Variants in ANKHD1 observed in about 807,000 individuals in gnomAD.
ANKHD1 encodes ankyrin repeat and KH domain-containing protein 1.
In ANKHD1, 31 loss-of-function variants were observed where a neutral mutation model predicts 230.5. The ratio of observed to expected loss-of-function variants is 0.13; its 90% CI spans 0.10 to 0.18. The LOEUF (loss-of-function observed/expected upper bound fraction) is 0.18. Ranked by LOEUF, ANKHD1 falls within the 10% of genes least tolerant of loss-of-function variation. ANKHD1 has a pLI of 1.00. For synonymous variants in ANKHD1, 1,074 were observed against 1,117.6 expected, an observed-to-expected ratio of 0.96 and a Z score of 0.78; for missense variants, 2,256 against 3,071.3, an observed-to-expected ratio of 0.73 and a Z score of 6.27.
In ANKHD1 at chr5:140,529,089, C is replaced by A. The variant is rs1291744263; in HGVS notation, c.6143C>A (p.Ala2048Glu). Residue 2048 changes from alanine (A) to glutamate (E), a missense_variant, in exon 29 of 34, where the codon GCA becomes GAA. This residue lies in a region of ANKHD1 where 778 missense variants were observed against 966.5 expected (regional missense o/e 0.80). Coordinates refer to ENST00000360839, the MANE Select transcript of ANKHD1 (RefSeq NM_017747.3). ...MANLCTPSST[A>E]NSCSSSASNT... ...AACCTATGTACCCCATCTTCAACTG[C>A]AAACAGTTGCAGTAGCTCTGCCAGC... The A allele has an allele frequency of 5.0e-6, 8 of 1,613,934 alleles. No individual in the cohort carries two copies. The African/African-American group carries it at 1.1e-4, about 22-fold the overall frequency.
intron 1 of ANKHD1, among the ~76,000 whole-genome samples, chr5:140,421,601 G>A (rs897900836): frequency 2.8e-4 from 43 of 152,026 alleles, no homozygotes; most frequent in African/African-American, 9.2e-4. Context: ...GTGCCCGGCC[G>A]AGTTTTTGCA....
chr5:140,450,532 C>T (rs914503393), intron 7 of ANKHD1, among the ~76,000 whole-genome samples: 6 of 149,014 alleles, frequency 4.0e-5, no homozygotes, highest in Non-Finnish European at 8.9e-5. Flanking sequence ...TTCTATTGGT[C>T]TCTCTCTCTC....
In ANKHD1 at chr5:140,538,809, G is replaced by A. The variant is rs937630643; in HGVS notation, c.7405-110G>A. ...TACTGTACTTATAGGATCTTTTGGAGTTCTTTAAATGAGGAATATTAGAGA... is the reference window on the plus strand; with the variant it reads ...TACTGTACTTATAGGATCTTTTGGAATTCTTTAAATGAGGAATATTAGAGA... On this transcript the variant is annotated intron_variant, in intron 32 of 33. Coordinates refer to ENST00000360839, the MANE Select transcript of ANKHD1 (RefSeq NM_017747.3). 4.9e-6 allele frequency: 6 copies of A among 1,224,768 alleles called. No homozygotes were observed. In the Admixed American group the frequency reaches 1.5e-4, roughly 31 times the overall value. 75.9% of individuals were successfully genotyped at this position (1,224,768 alleles called of 1,614,324 possible).
intron 24 of ANKHD1, among the ~76,000 whole-genome samples, chr5:140,515,494 A>C (rs1038474473): frequency 3.9e-5 from 6 of 152,210 alleles, no homozygotes; most frequent in Admixed American, 3.3e-4. Context: ...TCCGGTCTAC[A>C]GCTCCCAGCG....
Position 140,538,131 on chromosome 5 carries a change from T to A in ANKHD1, c.7274T>A (p.Met2425Lys). Residue 2425 changes from methionine (M) to lysine (K), a missense_variant, in exon 32 of 34, where the codon ATG (methionine) becomes AAG (lysine). Coordinates refer to ENST00000360839, the MANE Select transcript of ANKHD1 (RefSeq NM_017747.3). ...WSQSVMGNHPMHQQLSDPSTF... is the reference protein window; with the variant it reads ...WSQSVMGNHPKHQQLSDPSTF... The stretch of plus-strand genomic sequence containing the variant: ...CAATCTGTGATGGGGAACCATCCAA[T>A]GCATCAACAATTATCAGACCCAAGC... 6.2e-7 allele frequency: 1 copy of A among 1,614,058 alleles called. No individual in the cohort carries two copies. The highest frequency in any genetic ancestry group is 8.5e-7 in the Non-Finnish European group (1 of 1,179,972).
intron 29 of ANKHD1, among the ~76,000 whole-genome samples, chr5:140,534,997 G>A (rs531905525): frequency 3.3e-5 from 5 of 152,164 alleles, no homozygotes; most frequent in Non-Finnish European, 7.4e-5. Flanking sequence ...GGGAATGCAG[G>A]AGTTATTGTT....
chr5:140,459,152 A>C lies in ANKHD1; in HGVS notation c.1481-12A>C. On this transcript the variant is annotated splice_polypyrimidine_tract_variant and intron_variant, in intron 8 of 33. Coordinates refer to ENST00000360839, the MANE Select transcript of ANKHD1 (RefSeq NM_017747.3). Reference sequence around the variant, plus strand: ...CTTGCAACTAATTTTATCTGTTTTTATACTTTCCTAGGAGCAAATATAAAT... The same window carrying C: ...CTTGCAACTAATTTTATCTGTTTTTCTACTTTCCTAGGAGCAAATATAAAT... The C allele has an allele frequency of 5.1e-6, 8 of 1,555,472 alleles. No individual in the cohort carries two copies. Among genetic ancestry groups the C allele is most frequent in the Non-Finnish European group, 6.9e-6 (8 of 1,151,570 alleles).
At chr5:140,432,143 A>AT (rs1773095518) in intron 1 of ANKHD1, among the ~76,000 whole-genome samples, 1 of 152,308 alleles carries the variant, frequency 6.6e-6, no homozygotes, top group East Asian at 1.9e-4. Context: ...CATTTCAGTG[A>AT]TTTTTAGTAT....
intron 10 of ANKHD1, among the ~76,000 whole-genome samples, chr5:140,480,901 A>G (rs1751244896): frequency 6.6e-6 from 1 of 152,118 alleles, no homozygotes; most frequent in Non-Finnish European, 1.5e-5. Flanking sequence ...AGTTAAATAT[A>G]ATACTTACAC....
chr5:140,517,960 T>G (rs1753117033), intron 24 of ANKHD1, among the ~76,000 whole-genome samples: 1 of 151,138 alleles, frequency 6.6e-6, no homozygotes, highest in South Asian at 2.1e-4. Context: ...CTGAAGGAAA[T>G]AGAGACACAA....
rs1012374377 is a variant in ANKHD1, at chr5:140,527,152, A to G, written c.5087+78A>G. 6.9e-7 allele frequency: 1 copy of G among 1,456,732 alleles called. No homozygotes were observed. The highest frequency in any genetic ancestry group is 1.4e-5 in the African/African-American group (1 of 69,484). The allele number at this position is 1,456,732 out of a possible 1,614,324, so 90.2% of individuals were successfully genotyped here. On this transcript the variant is annotated intron_variant, in intron 27 of 33. Transcript: ENST00000360839. The surrounding 1 kb of genome is among the most constrained non-coding windows in gnomAD (Gnocchi z 4.5). ...TGTGAGATGGCTACCTAGTTAATTA[A>G]TGAATAATTTGAATGTGGTTATTAT...
chr5:140,539,304 G>C, intron 33 of ANKHD1, 55 bp from the exon 34 acceptor site: 1 of 1,609,042 alleles, frequency 6.2e-7, no homozygotes, highest in Admixed American at 1.7e-5. Context: ...TATTCATTTT[G>C]TAACTGTCTA....
At chr5:140,479,265 T>C (rs1004254503) in intron 10 of ANKHD1, among the ~76,000 whole-genome samples, 22 of 152,136 alleles carry the variant, frequency 1.4e-4, no homozygotes, top group Non-Finnish European at 2.8e-4. Context: ...CCCAAAGTGC[T>C]GGGATTACAG....
chr5:140,472,772 A>G (rs1169410581), intron 10 of ANKHD1, among the ~76,000 whole-genome samples: 1 of 152,180 alleles, frequency 6.6e-6, no homozygotes, highest in East Asian at 1.9e-4. Context: ...TCTATAAACT[A>G]GAAGTTTAAA....
intron 8 of ANKHD1, 43 bp from the exon 9 acceptor site, chr5:140,459,121 A>C (rs773231243): frequency 4.1e-5 from 59 of 1,428,266 alleles, no homozygotes; most frequent in Non-Finnish European, 5.4e-5. Flanking sequence ...TCTTTATTAT[A>C]AGTCTCTTGC....
rs200328660 is a variant in ANKHD1, at chr5:140,496,559, A to C, written c.2285A>C (p.Asp762Ala). 1.8e-4 allele frequency: 292 copies of C among 1,607,210 alleles called. No individual in the cohort carries two copies. The highest frequency in any genetic ancestry group is 2.4e-4 in the Non-Finnish European group (279 of 1,179,090). ...AAGTCCAGTTCCCTCCAGGTAGCAGATCAGGACCTACTGCCATCTTTTCAC... is the reference window on the plus strand; with the variant it reads ...AAGTCCAGTTCCCTCCAGGTAGCAGCTCAGGACCTACTGCCATCTTTTCAC... ...KQKSSSLQVA[D>A]QDLLPSFHPY... Residue 762 changes from aspartate (D) to alanine (A), a missense_variant, in exon 15 of 34, where the codon GAT (aspartate) becomes GCT (alanine). Coordinates refer to ENST00000360839, the MANE Select transcript of ANKHD1 (RefSeq NM_017747.3).
chr5:140,477,978 A>T (rs1751060120), intron 10 of ANKHD1, among the ~76,000 whole-genome samples: 1 of 152,192 alleles, frequency 6.6e-6, no homozygotes, highest in South Asian at 2.1e-4. Flanking sequence ...GTAGAAACTG[A>T]GTTACCAGTG....
chr5:140,499,871 CTT>C (rs543786978), intron 15 of ANKHD1, among the ~76,000 whole-genome samples: 45 of 140,294 alleles, frequency 3.2e-4, no homozygotes, highest in Admixed American at 5.0e-4. Flanking sequence ...AATTTTCTTT[CTT>C]TTTTTTTTTT....
At chr5:140,429,830 G>A (rs1561708728) in intron 1 of ANKHD1, among the ~76,000 whole-genome samples, 1 of 152,082 alleles carries the variant, frequency 6.6e-6, no homozygotes, top group South Asian at 2.1e-4. Flanking sequence ...TAATTATAGC[G>A]CTACATAGAA....
Sources: gnomAD v4.1 joint callset for allele counts (sites outside exome capture counted in the v4.1 genomes callset) on GRCh38, gnomAD v4.1.1 for gene constraint, gnomAD v4.1.1 regional missense constraint, Gnocchi (gnomAD v3.1) non-coding constraint, MANE v1.5 for transcripts, NCBI Gene and HGNC (gene_info 2026-07-23, HGNC 2026-07-21) for gene names.